CFAP206: variants seen among roughly 807,000 people sequenced by gnomAD.
The protein encoded by CFAP206 is cilia- and flagella-associated protein 206.
Under a neutral mutation model 65.4 loss-of-function variants are expected in CFAP206, and 53 were observed. The observed-to-expected ratio is 0.81, with a 90% confidence interval of 0.65 to 1.02. The LOEUF is 1.02. Among genes scored for constraint, CFAP206 ranks in the 50% least tolerant of loss-of-function variants. The pLI, the probability that CFAP206 is intolerant of heterozygous loss-of-function variation, is 0.00. For missense variants in CFAP206, 663 were observed against 753.2 expected (o/e 0.88, Z 1.40); for synonymous variants, 250 against 254.4 (o/e 0.98, Z 0.17).
Position 87,450,197 on chromosome 6 carries a change from C to T in CFAP206, c.1495-10825C>T, listed in dbSNP as rs142380599. On this transcript the variant is annotated intron_variant, in intron 11 of 12. Coordinates refer to ENST00000369562, the MANE Select transcript of CFAP206 (RefSeq NM_001031743.3). ...AGTCTCTGTGTTTTTATGCGAATAC[C>T]ATGCTCTTTTGGTTACTATAGCTTT... 2.8e-3 allele frequency among the ~76,000 whole-genome samples: 431 copies of T among 152,146 alleles called. 8 individuals are homozygous for T. Among genetic ancestry groups the T allele is most frequent in the East Asian group, 2.3e-3 (12 of 5,184 alleles).
chr6:87,407,983 A>C lies in CFAP206; in HGVS notation c.-112A>C, dbSNP rs1343421263. On this transcript the variant is annotated 5_prime_UTR_variant, in exon 1 of 13. It removes an upstream start codon present in the reference 5' UTR. Coordinates refer to ENST00000369562, the MANE Select transcript of CFAP206 (RefSeq NM_001031743.3). The stretch of plus-strand genomic sequence containing the variant: ...CTCTGGTCCGGAGCCTTCCATCTCC[A>C]TGGTTACGCGGCGGTGGCTGCGAGC... 1 of 983,808 alleles carries C rather than the reference A, an allele frequency of 1.0e-6. No individual in the cohort carries two copies. The highest frequency in any genetic ancestry group is 4.7e-5 in the South Asian group (1 of 21,218). 60.9% of individuals were successfully genotyped at this position (983,808 alleles called of 1,614,324 possible).
chr6:87,452,682 A>G (rs1768566111), intron 11 of CFAP206, among the ~76,000 whole-genome samples: 1 of 152,144 alleles, frequency 6.6e-6, no homozygotes, highest in South Asian at 2.1e-4. Flanking sequence ...GAAAAATCTG[A>G]CAAATCAAAG....
intron 3 of CFAP206, 101 bp downstream of exon 3, chr6:87,410,769 C>G: frequency 1.1e-6 from 1 of 923,394 alleles, no homozygotes; most frequent in Non-Finnish European, 1.7e-6. Flanking sequence ...GAAACAAAAG[C>G]CCACAAAATA....
At chr6:87,410,205 G>A (rs1055028218) in intron 2 of CFAP206, among the ~76,000 whole-genome samples, 7 of 152,180 alleles carry the variant, frequency 4.6e-5, no homozygotes, top group Non-Finnish European at 1.0e-4. Flanking sequence ...ATTTTTTGAC[G>A]TGTATTTTTG....
Position 87,416,715 on chromosome 6 carries a change from A to G in CFAP206, c.519A>G (p.Leu173=). The part of the protein sequence containing the change: ...VFPQAELGTF[L]TLSKKDKERQ... Reference sequence around the variant, plus strand: ...CTCAGGCAGAGCTTGGGACATTTCTAACTCTTTCTAAGAAGGACAAAGAAC... The same window carrying G: ...CTCAGGCAGAGCTTGGGACATTTCTGACTCTTTCTAAGAAGGACAAAGAAC... Residue 173 remains leucine (L), a synonymous_variant, in exon 6 of 13, where the codon CTA becomes CTG. Transcript: ENST00000369562. 6.2e-7 allele frequency: 1 copy of G among 1,613,274 alleles called. No homozygotes were observed. Among genetic ancestry groups the G allele is most frequent in the East Asian group, 2.2e-5 (1 of 44,826 alleles).
rs1582156547 is a variant in CFAP206, at chr6:87,464,407, C to T, written c.*157C>T. 1 of 467,414 alleles carries T rather than the reference C, an allele frequency of 2.1e-6. No individual in the cohort carries two copies. Among genetic ancestry groups the T allele is most frequent in the East Asian group, 3.2e-5 (1 of 31,676 alleles). The allele number at this position is 467,414 out of a possible 1,614,324, so 29.0% of individuals were successfully genotyped here. A position where few individuals can be genotyped will look rare whatever the true frequency, so the allele number is the denominator to read the frequency against. ...TTCCCATATTTTATCAAACTGTTTT[C>T]TGTAACACATTTTTCATTCTGTTGA... On this transcript the variant is annotated 3_prime_UTR_variant, in exon 13 of 13. Transcript: ENST00000369562.
At chr6:87,437,421 C>T (rs1768290090) in intron 11 of CFAP206, among the ~76,000 whole-genome samples, 1 of 151,774 alleles carries the variant, frequency 6.6e-6, no homozygotes. Context: ...TGTTGATTGG[C>T]AGTTCCTTGT....
chr6:87,424,935 G>A (rs1363733547), intron 7 of CFAP206, among the ~76,000 whole-genome samples: 1 of 152,126 alleles, frequency 6.6e-6, no homozygotes, highest in Non-Finnish European at 1.5e-5. Flanking sequence ...AGATTCCATA[G>A]CCATATATGT....
intron 2 of CFAP206, 145 bp from the exon 3 acceptor site, chr6:87,410,440 A>G: frequency 1.5e-6 from 1 of 689,072 alleles, no homozygotes. Flanking sequence ...GAGTTCAGTA[A>G]TAAGAAGAAT....
chr6:87,447,173 C>T (rs1053549641), intron 11 of CFAP206, among the ~76,000 whole-genome samples: 1 of 152,164 alleles, frequency 6.6e-6, no homozygotes, highest in African/African-American at 2.4e-5. Context: ...ATTTGAATAT[C>T]CTTTATTTCT....
intron 11 of CFAP206, among the ~76,000 whole-genome samples, chr6:87,452,231 C>A (rs6905947): frequency 6.6e-6 from 1 of 152,080 alleles, no homozygotes; most frequent in Non-Finnish European, 1.5e-5. Flanking sequence ...AGTACCTCTG[C>A]GAGTCTGCAA....
rs1562242261 is a variant in CFAP206 at position 87,410,606 on chromosome 6, C to T, written c.130C>T (p.Pro44Ser). The T allele has an allele frequency of 6.2e-7, 1 of 1,613,878 alleles. No individual in the cohort carries two copies. The highest frequency in any genetic ancestry group is 1.1e-5 in the South Asian group (1 of 91,056). Residue 44 changes from proline to serine, a missense_variant, in exon 3 of 13, where the codon CCA becomes TCA. Pro to Ser is a moderately conservative substitution (Grantham distance 74). Transcript: ENST00000369562. ...CTAGGTGAAAGCTGTTGTCCTGGAT[C>T]CAAGTAATGGCTTTAACATGGATAG... is the stretch of plus-strand genomic sequence containing the variant. ...AFMVKAVVLD[P>S]SNGFNMDRTL...
At position 87,422,966 on chromosome 6, in the gene CFAP206, A is replaced by T. The variant is rs867855253; in HGVS notation, c.841-3560A>T. Among the ~76,000 whole-genome samples the T allele has an allele frequency of 4.6e-5, 7 of 151,994 alleles. No homozygotes were observed. In the South Asian group the frequency reaches 1.5e-3, roughly 32 times the overall value. ...CAGACAGGGTCTCGCTCTGTCACCC[A>T]GGCTGGAGTGCGGTGGTGCAATCTC... is the stretch of plus-strand genomic sequence containing the variant. On this transcript the variant is annotated intron_variant, in intron 7 of 12. Transcript: ENST00000369562.
intron 2 of CFAP206, 102 bp from the exon 3 acceptor site, chr6:87,410,483 G>A: frequency 1.2e-6 from 1 of 857,552 alleles, no homozygotes; most frequent in Non-Finnish European, 2.0e-6. Flanking sequence ...TAATCAAGAG[G>A]TAGTTGTTTA....
chr6:87,409,984 A>T, intron 2 of CFAP206, 37 bp downstream of exon 2: 1 of 1,435,536 alleles, frequency 7.0e-7, no homozygotes, highest in South Asian at 1.2e-5. Flanking sequence ...TGTTTTATTA[A>T]GAGGTTTTTT....
At chr6:87,411,042 T>C (rs1767727111) in intron 3 of CFAP206, among the ~76,000 whole-genome samples, 2 of 147,484 alleles carry the variant, frequency 1.4e-5, no homozygotes, top group East Asian at 3.9e-4. Context: ...AGAATGATAT[T>C]GTAAGTGACC....
At chr6:87,420,943 T>G (rs1767930534) in intron 7 of CFAP206, among the ~76,000 whole-genome samples, 2 of 152,248 alleles carry the variant, frequency 1.3e-5, no homozygotes, top group African/African-American at 4.8e-5. Flanking sequence ...TTTTAAACTA[T>G]TCAGTCCTTC....
intron 3 of CFAP206, among the ~76,000 whole-genome samples, chr6:87,412,872 C>T (rs1174208930): frequency 6.6e-6 from 1 of 152,114 alleles, no homozygotes; most frequent in Non-Finnish European, 1.5e-5. Context: ...GTTGACCAGG[C>T]TGGTCTCGAA....
chr6:87,411,083 A>G (rs1278500785), intron 3 of CFAP206, among the ~76,000 whole-genome samples: 1 of 152,210 alleles, frequency 6.6e-6, no homozygotes, highest in Admixed American at 6.5e-5. Flanking sequence ...TTTCTTTCTT[A>G]GATGAATAAA....
Sources: gnomAD v4.1 joint callset for allele counts (sites outside exome capture counted in the v4.1 genomes callset) on GRCh38, gnomAD v4.1.1 for gene constraint, MANE v1.5 for transcripts, NCBI Gene and HGNC (gene_info 2026-07-23, HGNC 2026-07-21) for gene names.